KDM4B: variants seen among roughly 807,000 people sequenced by gnomAD.
KDM4B encodes the protein lysine demethylase 4B, also known as lysine-specific demethylase 4B.
A neutral mutation model predicts 125.2 loss-of-function variants in KDM4B; 32 were observed. The observed-to-expected ratio is 0.26, with a 90% CI of 0.19 to 0.34. KDM4B has a LOEUF of 0.34. Ranked by LOEUF, KDM4B falls within the 10% of genes least tolerant of loss-of-function variation. KDM4B has a pLI of 1.00. For missense variants in KDM4B, 1,190 were observed against 1,577.7 expected, an observed-to-expected ratio of 0.75 and a Z score of 4.16; for synonymous variants, 721 against 677.9, an observed-to-expected ratio of 1.06 and a Z score of -0.99.
chr19:5,067,002 A>G (rs1277012313), intron 6 of KDM4B, among the ~76,000 whole-genome samples: 1 of 152,064 alleles, frequency 6.6e-6, no homozygotes. Context: ...CAGACCTCCT[A>G]ATAGCATTCG....
chr19:5,071,694 C>G (rs2037953544), intron 7 of KDM4B, among the ~76,000 whole-genome samples: 2 of 152,218 alleles, frequency 1.3e-5, no homozygotes, highest in African/African-American at 2.4e-5. Context: ...GGAAACAAGT[C>G]AGACAGCTGG....
chr19:5,026,359 C>G (rs1482675415), intron 2 of KDM4B, among the ~76,000 whole-genome samples: 1 of 152,110 alleles, frequency 6.6e-6, no homozygotes, highest in Non-Finnish European at 1.5e-5. Context: ...GCTCTGTTGC[C>G]TGGGCTGGAG....
At chr19:5,019,300 T>TGTGCA in intron 2 of KDM4B, among the ~76,000 whole-genome samples, 1 of 84,520 alleles carries the variant, frequency 1.2e-5, no homozygotes, top group South Asian at 3.8e-4. Context: ...GTGCAGGTGT[T>TGTGCA]GGTGTGGGTG....
chr19:5,096,218 C>G (rs913287510), intron 9 of KDM4B, among the ~76,000 whole-genome samples: 1 of 151,758 alleles, frequency 6.6e-6, no homozygotes, highest in African/African-American at 2.4e-5. Flanking sequence ...CCCTGAGTAG[C>G]TGGGACTACA....
intron 14 of KDM4B, among the ~76,000 whole-genome samples, chr19:5,134,809 C>T (rs1035011711): frequency 2.0e-5 from 3 of 152,170 alleles, no homozygotes; most frequent in African/African-American, 7.2e-5. Flanking sequence ...GGGTGGTGAG[C>T]CTGTCTTGGG....
intron 6 of KDM4B, among the ~76,000 whole-genome samples, chr19:5,052,940 G>A: frequency 6.6e-6 from 1 of 152,322 alleles, no homozygotes; most frequent in South Asian, 2.1e-4. Context: ...GTAAGGCATG[G>A]CCCCCCTCAG....
chr19:5,108,413 A>T (rs2039076641), intron 9 of KDM4B, among the ~76,000 whole-genome samples: 1 of 152,210 alleles, frequency 6.6e-6, no homozygotes, highest in Admixed American at 6.5e-5. Context: ...CATGATAGGA[A>T]TCTAACTGTT....
chr19:4,996,908 A>C (rs1420798495), intron 1 of KDM4B, among the ~76,000 whole-genome samples: 5 of 152,192 alleles, frequency 3.3e-5, no homozygotes, highest in Admixed American at 1.3e-4. Context: ...GGTGCTGAGC[A>C]GCAGCCCTGG....
At chr19:5,095,464 G>C (rs2038802019) in intron 9 of KDM4B, among the ~76,000 whole-genome samples, 1 of 152,250 alleles carries the variant, frequency 6.6e-6, no homozygotes, top group Non-Finnish European at 1.5e-5. Flanking sequence ...ATCAGGAAAG[G>C]TGGCAGATGA....
intron 1 of KDM4B, among the ~76,000 whole-genome samples, chr19:5,013,961 A>G (rs1029725657): frequency 4.6e-5 from 7 of 152,238 alleles, no homozygotes; most frequent in African/African-American, 1.7e-4. Context: ...CATCTGGCAC[A>G]GGGGAAGAGG....
intron 2 of KDM4B, among the ~76,000 whole-genome samples, chr19:5,017,612 C>T (rs1459153272): frequency 1.3e-5 from 2 of 152,152 alleles, no homozygotes; most frequent in African/African-American, 4.8e-5. Flanking sequence ...TTGCTTTTAC[C>T]CTTCAAGTTT....
intron 1 of KDM4B, among the ~76,000 whole-genome samples, chr19:5,007,688 G>A (rs2035605856): frequency 2.0e-5 from 3 of 151,888 alleles, no homozygotes; most frequent in African/African-American, 7.3e-5. Flanking sequence ...TGGGACTGCA[G>A]GTGTGCACCA....
Position 5,110,742 on chromosome 19 carries a change from C to A in KDM4B, c.1039C>A (p.Pro347Thr). ...KDLTVLDHTR[P>T]TALTSPELSS... ...CCTCACGGTGCTGGACCACACGCGG[C>A]CCACGGCGCTCACCAGCCCCGAGCT... The change falls in exon 10 of 23, where the codon CCC (proline) becomes ACC (threonine). Residue 347 changes from proline (P) to threonine (T), a missense_variant. Pro to Thr is a conservative substitution (Grantham distance 38, BLOSUM62 -1). Coordinates refer to ENST00000159111, the MANE Select transcript of KDM4B (RefSeq NM_015015.3). 6.2e-7 allele frequency: 1 copy of A among 1,611,826 alleles called. No individual in the cohort carries two copies. The highest frequency in any genetic ancestry group is 8.5e-7 in the Non-Finnish European group (1 of 1,179,436).
chr19:5,061,023 C>T lies in KDM4B; in HGVS notation c.627-9987C>T, dbSNP rs538350110. Among the ~76,000 whole-genome samples, 31 of 152,304 alleles carry T rather than the reference C, an allele frequency of 2.0e-4. 1 individual carries two copies. The South Asian group carries it at 6.2e-3, about 31-fold the overall frequency. On this transcript the variant is annotated intron_variant, in intron 6 of 22. Transcript: ENST00000159111. ...TCTGCTCCTAATTAAAGTGGGCTGG[C>T]GGTGTATGAAGTTCGCACGGATCCT...
At chr19:5,110,466 T>G (rs1358943059) in intron 9 of KDM4B, among the ~76,000 whole-genome samples, 156 bp from the exon 10 acceptor site, 2 of 152,122 alleles carry the variant, frequency 1.3e-5, no homozygotes, top group Non-Finnish European at 2.9e-5. Flanking sequence ...AGTGAGACCG[T>G]GTCTCGAAAA....
chr19:5,119,846 G>A lies in KDM4B; in HGVS notation c.1309G>A (p.Ala437Thr), dbSNP rs112383703. The change falls in exon 11 of 23, where the codon GCA (alanine) becomes ACA (threonine). Residue 437 changes from alanine (A) to threonine (T), a missense_variant. Physicochemically the swap from Ala to Thr is moderately conservative, Grantham distance 58. Around this residue, in one of 7 missense-constraint regions of KDM4B, gnomAD observed 428 missense variants for 405.1 expected, o/e 1.06. Transcript: ENST00000159111. ...PLPHGREAEGAEEDGRGKLRP... is the reference protein window; with the variant it reads ...PLPHGREAEGTEEDGRGKLRP... Reference sequence around the variant, plus strand: ...GCCACACGGCCGGGAGGCCGAGGGCGCAGAAGGTCAGTCCCTGCCGGGCCA... The same window carrying A: ...GCCACACGGCCGGGAGGCCGAGGGCACAGAAGGTCAGTCCCTGCCGGGCCA... 34 of 1,546,294 alleles carry A rather than the reference G, an allele frequency of 2.2e-5. No individual in the cohort carries two copies. The African/African-American group carries it at 2.7e-4, about 12-fold the overall frequency.
At chr19:5,012,572 G>A (rs905520998) in intron 1 of KDM4B, among the ~76,000 whole-genome samples, 2 of 152,176 alleles carry the variant, frequency 1.3e-5, no homozygotes, top group African/African-American at 2.4e-5. Context: ...CTCCCGACAC[G>A]TTCCCTGTGT....
At chr19:5,023,149 A>C (rs72990145) in intron 2 of KDM4B, among the ~76,000 whole-genome samples, 3,982 of 150,322 alleles carry the variant, frequency 0.026, 72 homozygotes, top group Non-Finnish European at 0.043. Flanking sequence ...TGAGAGTCAG[A>C]GAGAGGCTGG....
At chr19:5,118,213 G>C (rs989463895) in intron 10 of KDM4B, among the ~76,000 whole-genome samples, 1 of 152,216 alleles carries the variant, frequency 6.6e-6, no homozygotes, top group African/African-American at 2.4e-5. Flanking sequence ...AGGGGCAGCT[G>C]CCACAGGGAC....
Sources: gnomAD v4.1 joint callset for allele counts (sites outside exome capture counted in the v4.1 genomes callset) on GRCh38, gnomAD v4.1.1 for gene constraint, gnomAD v4.1.1 regional missense constraint, MANE v1.5 for transcripts, NCBI Gene and HGNC (gene_info 2026-07-23, HGNC 2026-07-21) for gene names.